Variants in INTS1 observed in about 807,000 individuals in gnomAD.
INTS1 encodes integrator complex subunit 1.
In INTS1, 137 loss-of-function variants were observed where a neutral mutation model predicts 241.6. That is an observed-to-expected ratio of 0.57 (90% confidence interval 0.49 to 0.65). The LOEUF is 0.65. INTS1 is among the 30% of genes least tolerant of loss of function. INTS1 has a pLI of 0.00. For synonymous variants in INTS1, 1,692 were observed against 1,337.8 expected, an observed-to-expected ratio of 1.26 and a Z score of -5.78; for missense variants, 3,073 against 3,032.2, an observed-to-expected ratio of 1.01 and a Z score of -0.32.
At position 1,497,026 on chromosome 7, in the gene INTS1, C is replaced by A. The variant is rs1782896601; in HGVS notation, c.1602+112G>T. 2 of 1,132,690 alleles carry A rather than the reference C, an allele frequency of 1.8e-6. No individual in the cohort carries two copies. The highest frequency in any genetic ancestry group is 5.2e-5 in the East Asian group (2 of 38,722). The allele number at this position is 1,132,690 out of a possible 1,614,324, so 70.2% of individuals were successfully genotyped here. A position where few individuals can be genotyped will look rare whatever the true frequency, so the allele number is the denominator to read the frequency against. On this transcript the variant is annotated intron_variant, in intron 11 of 47. Transcript: ENST00000404767. The surrounding 1 kb of genome is among the most constrained non-coding windows in gnomAD (Gnocchi z 5.3). Reference sequence around the variant, plus strand: ...AGCCTCACTCATCCCCGTACCCACGCTCAGCCAGAGCATCCGAAGGGGTGG... The same window carrying A: ...AGCCTCACTCATCCCCGTACCCACGATCAGCCAGAGCATCCGAAGGGGTGG...
intron 26 of INTS1, 80 bp from the exon 27 acceptor site, chr7:1,482,787 G>A (rs920213430): frequency 5.9e-6 from 9 of 1,519,484 alleles, no homozygotes; most frequent in South Asian, 3.7e-5. Flanking sequence ...AAGGCTAGAG[G>A]CACCTCCTCT....
In INTS1 at chr7:1,476,323, G is replaced by A; in HGVS notation, c.5284C>T (p.Leu1762=). ...CAGCAGCAGCTGAGCAGCAGGGGCA[G>A]CCGGGCCTGGATGAGGCTGCAGGCG... ...TAACSLIQAR[L]PLLLSCCCGD... The change falls in exon 38 of 48, where the codon CTG becomes TTG. Residue 1762 remains leucine (L), a synonymous_variant. Transcript: ENST00000404767. 1 of 1,587,072 alleles carries A rather than the reference G, an allele frequency of 6.3e-7. No individual in the cohort carries two copies. The highest frequency in any genetic ancestry group is 8.6e-7 in the Non-Finnish European group (1 of 1,168,740).
At chr7:1,482,226 G>A (rs1013119389) in intron 27 of INTS1, 2 of 244,466 alleles carry the variant, frequency 8.2e-6, no homozygotes, top group East Asian at 7.7e-5. Context: ...CCACCCAGAG[G>A]CCCCACCACT....
In INTS1 at chr7:1,498,825, T is replaced by C; in HGVS notation, c.1165A>G (p.Met389Val). 6.2e-7 allele frequency: 1 copy of C among 1,606,000 alleles called. No homozygotes were observed. Among genetic ancestry groups the C allele is most frequent in the South Asian group, 1.1e-5 (1 of 88,952 alleles). Residue 389 changes from methionine to valine, a missense_variant, in exon 9 of 48, where the codon ATG becomes GTG. By Grantham distance (21) the Met-to-Val change is conservative. Coordinates refer to ENST00000404767, the MANE Select transcript of INTS1 (RefSeq NM_001080453.3). Reference protein sequence around the residue: ...KLTRPAQDLLMSVCMNCNTHG... With the variant: ...KLTRPAQDLLVSVCMNCNTHG... ...GTGTTGCAGTTCATGCAGACGGACA[T>C]CAGCAGGTCCTGGGCCGGCCGGGTC... is the stretch of plus-strand genomic sequence containing the variant.
Position 1,474,327 on chromosome 7 carries a change from G to T in INTS1, c.5670C>A (p.Gly1890=). The change falls in exon 41 of 48, where the codon GGC becomes GGA. Residue 1890 remains glycine, a synonymous_variant. Transcript: ENST00000404767. ...ACTCCTGGAAGTTGAGGTGGGTGCG[G>T]CCGTGCAGGAGCGCCGCGATCATGG... ...HLPMIAALLH[G]RTHLNFQEFR... 1.4e-5 allele frequency: 23 copies of T among 1,606,058 alleles called. No homozygotes were observed. Among genetic ancestry groups the T allele is most frequent in the Non-Finnish European group, 2.0e-5 (23 of 1,177,964 alleles).
At chr7:1,491,622 G>A (rs1172881957) in intron 16 of INTS1, among the ~76,000 whole-genome samples, 12 of 152,352 alleles carry the variant, frequency 7.9e-5, no homozygotes, top group East Asian at 1.9e-4. Flanking sequence ...CTGGCCAGGC[G>A]CGGTGTGGCT....
In INTS1 at chr7:1,497,103, T is replaced by C. The variant is rs753428163; in HGVS notation, c.1602+35A>G. 1.9e-6 allele frequency: 3 copies of C among 1,567,144 alleles called. No individual in the cohort carries two copies. Among genetic ancestry groups the C allele is most frequent in the South Asian group, 1.2e-5 (1 of 85,652 alleles). On this transcript the variant is annotated intron_variant, in intron 11 of 47. Coordinates refer to ENST00000404767, the MANE Select transcript of INTS1 (RefSeq NM_001080453.3). The surrounding 1 kb of genome is among the most constrained non-coding windows in gnomAD (Gnocchi z 5.3). ...GGATGGCGGCGCGTGGAACCCGCAG[T>C]GAGGGAAAGGCGCCCCAGCGGCGAG...
At chr7:1,483,119 T>C (rs1782074610) in intron 26 of INTS1, 1 of 216,358 alleles carries the variant, frequency 4.6e-6, no homozygotes, top group South Asian at 7.7e-5. Context: ...CGCCTGTGAC[T>C]GTGTCTGCCT....
chr7:1,475,183 G>A (rs1584259404), intron 39 of INTS1, among the ~76,000 whole-genome samples: 1 of 152,192 alleles, frequency 6.6e-6, no homozygotes, highest in African/African-American at 2.4e-5. Context: ...AGGAGTTCAA[G>A]ACTAGCCTGG....
chr7:1,490,029 C>T (rs968811899), intron 16 of INTS1, among the ~76,000 whole-genome samples: 4 of 152,204 alleles, frequency 2.6e-5, no homozygotes, highest in African/African-American at 9.6e-5. Context: ...ATTATTGTAA[C>T]GATACAATTA....
At position 1,488,094 on chromosome 7, in the gene INTS1, C is replaced by A; in HGVS notation, c.2319-137G>T. The A allele has an allele frequency of 3.4e-6, 3 of 893,194 alleles. No homozygotes were observed. In the South Asian group the frequency reaches 4.6e-5, roughly 14 times the overall value. The allele number at this position is 893,194 out of a possible 1,614,324, so 55.3% of individuals were successfully genotyped here. On this transcript the variant is annotated intron_variant, in intron 18 of 47. Transcript: ENST00000404767. The stretch of plus-strand genomic sequence containing the variant: ...CTGCACAGCAGTCAGGAGCACAGGG[C>A]GCCCGGTAGCATCCATGGGGCTGTC...
In INTS1 at chr7:1,493,046, G is replaced by A; in HGVS notation, c.2129C>T (p.Thr710Ile). 3 of 1,613,598 alleles carry A rather than the reference G, an allele frequency of 1.9e-6. No homozygotes were observed. Among genetic ancestry groups the A allele is most frequent in the South Asian group, 2.2e-5 (2 of 91,086 alleles). The change falls in exon 16 of 48, where the codon ACC becomes ATC. Residue 710 changes from threonine (T) to isoleucine (I), a missense_variant. By Grantham distance (89) the Thr-to-Ile change is moderately conservative. Transcript: ENST00000404767. This position sits in a 1 kb window ranked among gnomAD's most constrained non-coding sequence, Gnocchi z 5.3. ...QLIDAVLNLCTYHHPENIQLP... is the reference protein window; with the variant it reads ...QLIDAVLNLCIYHHPENIQLP... The stretch of plus-strand genomic sequence containing the variant: ...CTGGATGTTTTCAGGGTGATGGTAG[G>A]TGCACAGATTCAGAACGGCGTCGAT...
In INTS1 at chr7:1,481,297, C is replaced by T. The variant is rs938789724; in HGVS notation, c.3850+45G>A. 1.9e-6 allele frequency: 3 copies of T among 1,609,142 alleles called. No homozygotes were observed. Among genetic ancestry groups the T allele is most frequent in the Admixed American group, 1.7e-5 (1 of 59,774 alleles). On this transcript the variant is annotated intron_variant, in intron 28 of 47. Coordinates refer to ENST00000404767, the MANE Select transcript of INTS1 (RefSeq NM_001080453.3). The surrounding 1 kb of genome is among the most constrained non-coding windows in gnomAD (Gnocchi z 6.8). Reference sequence around the variant, plus strand: ...CCAAAAGCCTGGCCGGGCTGGGGCTCGGTCAGCGTGTGTGAACCCACTCCG... The same window carrying T: ...CCAAAAGCCTGGCCGGGCTGGGGCTTGGTCAGCGTGTGTGAACCCACTCCG...
In INTS1 at chr7:1,482,652, T is replaced by A; in HGVS notation, c.3597A>T (p.Pro1199=). 6.2e-7 allele frequency: 1 copy of A among 1,612,796 alleles called. No individual in the cohort carries two copies. Among genetic ancestry groups the A allele is most frequent in the South Asian group, 1.1e-5 (1 of 91,084 alleles). Residue 1199 remains proline, a synonymous_variant, in exon 27 of 48, where the codon CCA becomes CCT. Transcript: ENST00000404767. ...TGTCCACCAGGAAGGCGGTGGGCAGTGGCTTCTCCTCCGGAAACCAGATGT... is the reference window on the plus strand; with the variant it reads ...TGTCCACCAGGAAGGCGGTGGGCAGAGGCTTCTCCTCCGGAAACCAGATGT... ...LLDIWFPEEK[P]LPTAFLVDTS...
At chr7:1,487,247 G>A in intron 20 of INTS1, 73 bp downstream of exon 20, 1 of 1,530,350 alleles carries the variant, frequency 6.5e-7, no homozygotes, top group African/African-American at 1.4e-5. Flanking sequence ...CCCTCTTCTG[G>A]CCACCAAGGC....
intron 19 of INTS1, 79 bp downstream of exon 19, chr7:1,487,681 T>C (rs748044882): frequency 1.3e-6 from 2 of 1,546,972 alleles, no homozygotes; most frequent in South Asian, 2.2e-5. Flanking sequence ...CGCCTGCTCC[T>C]TCAGCCTCTG....
chr7:1,478,811 G>C lies in INTS1; in HGVS notation c.4404C>G (p.Asp1468Glu), dbSNP rs761803891. 1.2e-6 allele frequency: 2 copies of C among 1,608,458 alleles called. No individual in the cohort carries two copies. The highest frequency in any genetic ancestry group is 1.7e-6 in the Non-Finnish European group (2 of 1,178,178). Reference protein sequence around the residue: ...KVLLQMLQWLDSPGVEGGPLR... With the variant: ...KVLLQMLQWLESPGVEGGPLR... ...GGGGCCCGCCCTCCACGCCAGGGCT[G>C]TCCAGCCACTGCAGCATCTGCAGGA... is the stretch of plus-strand genomic sequence containing the variant. The change falls in exon 32 of 48, where the codon GAC (aspartate) becomes GAG (glutamate). Residue 1468 changes from aspartate to glutamate, a missense_variant. By Grantham distance (45) the Asp-to-Glu change is conservative (BLOSUM62 2). Coordinates refer to ENST00000404767, the MANE Select transcript of INTS1 (RefSeq NM_001080453.3).
Position 1,483,844 on chromosome 7 carries a change from G to C in INTS1, c.3439C>G (p.Gln1147Glu). 3.7e-6 allele frequency: 6 copies of C among 1,610,448 alleles called. No individual in the cohort carries two copies. The highest frequency in any genetic ancestry group is 5.1e-6 in the Non-Finnish European group (6 of 1,177,748). ...GEEVYSWSESQDQVFLRWSSG... is the reference protein window; with the variant it reads ...GEEVYSWSESEDQVFLRWSSG... ...CTCCAGCGTAGGAAGACCTGGTCCT[G>C]AGACTCCGACTGTGGGAAAAGAGGT... Residue 1147 changes from glutamine to glutamate, a missense_variant, in exon 26 of 48, where the codon CAG (glutamine) becomes GAG (glutamate). Physicochemically the swap from Gln to Glu is conservative, Grantham distance 29. Coordinates refer to ENST00000404767, the MANE Select transcript of INTS1 (RefSeq NM_001080453.3).
In INTS1 at chr7:1,474,545, G is replaced by A. The variant is rs532139625; in HGVS notation, c.5636+160C>T. On this transcript the variant is annotated intron_variant, in intron 40 of 47. Transcript: ENST00000404767. Reference sequence around the variant, plus strand: ...GGCCCACCCAGCTCCTCCCACCTGAGGCCCAGCTCAGTCCTGACTTCCCCC... The same window carrying A: ...GGCCCACCCAGCTCCTCCCACCTGAAGCCCAGCTCAGTCCTGACTTCCCCC... 3.9e-5 allele frequency among the ~76,000 whole-genome samples: 6 copies of A among 152,276 alleles called. No homozygotes were observed. The South Asian group carries it at 1.2e-3, about 32-fold the overall frequency.
Sources: gnomAD v4.1 joint callset for allele counts (sites outside exome capture counted in the v4.1 genomes callset) on GRCh38, gnomAD v4.1.1 for gene constraint, Gnocchi (gnomAD v3.1) non-coding constraint, MANE v1.5 for transcripts, NCBI Gene and HGNC (gene_info 2026-07-23, HGNC 2026-07-21) for gene names.